Variants in FBXO4 observed in about 807,000 individuals in gnomAD.
FBXO4 encodes the protein F-box only protein 4.
In FBXO4, 36 loss-of-function variants were observed where a neutral mutation model predicts 43.7. The observed-to-expected ratio is 0.82, with a 90% CI of 0.63 to 1.09. FBXO4 has a LOEUF of 1.09. FBXO4 is among the 50% of genes least tolerant of loss of function. The probability of loss-of-function intolerance (pLI) is 0.00; values close to 1 mark genes in which losing one functional copy is unlikely to be tolerated. For missense variants in FBXO4, 435 were observed against 474.1 expected, an observed-to-expected ratio of 0.92 and a Z score of 0.77; for synonymous variants, 180 against 165.6, an observed-to-expected ratio of 1.09 and a Z score of -0.67.
At chr5:42,002,347 G>A in the FBXO4 span, among the ~76,000 whole-genome samples, 1 of 152,130 alleles carries the variant, frequency 6.6e-6, no homozygotes, top group Non-Finnish European at 1.5e-5. Context: ...ATTAAAGAGT[G>A]GCTCTCACTA....
At chr5:41,986,771 A>C in the FBXO4 span, among the ~76,000 whole-genome samples, 2 of 152,154 alleles carry the variant, frequency 1.3e-5, no homozygotes, top group African/African-American at 4.8e-5. Context: ...ACATGTTCTA[A>C]ATAGAAGGAG....
At chr5:41,970,179 G>T in the FBXO4 span, among the ~76,000 whole-genome samples, 2 of 151,996 alleles carry the variant, frequency 1.3e-5, no homozygotes, top group Admixed American at 6.6e-5. Flanking sequence ...AGCACTTATA[G>T]ATGCCTAATT....
At chr5:41,975,372 G>A in the FBXO4 span, among the ~76,000 whole-genome samples, 2 of 152,232 alleles carry the variant, frequency 1.3e-5, no homozygotes, top group African/African-American at 2.4e-5. Flanking sequence ...GTTAGAATGA[G>A]ATCTCTCTAA....
chr5:41,953,873 G>A, the FBXO4 span, among the ~76,000 whole-genome samples: 3 of 152,098 alleles, frequency 2.0e-5, no homozygotes, highest in Non-Finnish European at 4.4e-5. Flanking sequence ...ATTTGTTGGA[G>A]TTCATTGTAG....
Position 41,938,014 on chromosome 5 carries a change from C to T in FBXO4, c.899-1427C>T, listed in dbSNP as rs182493190. Among the ~76,000 whole-genome samples the T allele has an allele frequency of 2.5e-4, 38 of 152,232 alleles. No individual in the cohort carries two copies. The South Asian group carries it at 3.7e-3, about 15-fold the overall frequency. ...AGAAAATTGATTGTTAACAGATCTT[C>T]ACTATAAGAAATCTTAAAGGAAGCT... On this transcript the variant is annotated intron_variant, in intron 5 of 6. Coordinates refer to ENST00000281623, the MANE Select transcript of FBXO4 (RefSeq NM_012176.3).
the FBXO4 span, among the ~76,000 whole-genome samples, chr5:41,982,450 A>G: frequency 6.6e-6 from 1 of 151,940 alleles, no homozygotes; most frequent in Non-Finnish European, 1.5e-5. Flanking sequence ...TTCTAATTTC[A>G]TTGCTGTTTT....
At chr5:42,038,899 G>A in the FBXO4 span, among the ~76,000 whole-genome samples, 1 of 151,944 alleles carries the variant, frequency 6.6e-6, no homozygotes, top group South Asian at 2.1e-4. Flanking sequence ...TTCACTTAAC[G>A]TGATGTCTTC....
the FBXO4 span, among the ~76,000 whole-genome samples, chr5:41,977,975 C>T: frequency 6.6e-6 from 1 of 152,168 alleles, no homozygotes. Flanking sequence ...GGAATAGTTA[C>T]AACTGGGTCA....
the FBXO4 span, among the ~76,000 whole-genome samples, chr5:42,031,223 A>ATG: frequency 6.6e-6 from 1 of 151,766 alleles, no homozygotes; most frequent in African/African-American, 2.4e-5. Flanking sequence ...TTCCAACAAC[A>ATG]ATAGACTGGA....
chr5:41,965,218 G>T, the FBXO4 span, among the ~76,000 whole-genome samples: 1 of 152,072 alleles, frequency 6.6e-6, no homozygotes, highest in African/African-American at 2.4e-5. Context: ...ATTTCTGAGG[G>T]CTCTGTTCTG....
At chr5:41,968,511 G>T in the FBXO4 span, 1 of 152,242 alleles carries the variant, frequency 6.6e-6, no homozygotes, top group African/African-American at 2.4e-5. Flanking sequence ...AATGGGATTA[G>T]CTGTGACACA....
At chr5:41,935,044 T>G (rs1751813804) in intron 5 of FBXO4, 2 of 984,946 alleles carry the variant, frequency 2.0e-6, no homozygotes, top group Non-Finnish European at 2.4e-6. Context: ...TTACTTTCTG[T>G]TATTACAGGG....
At chr5:42,008,802 CTG>C in the FBXO4 span, among the ~76,000 whole-genome samples, 1 of 152,022 alleles carries the variant, frequency 6.6e-6, no homozygotes, top group Non-Finnish European at 1.5e-5. Context: ...GTTTTATTGA[CTG>C]TAAAAGTAAG....
chr5:41,973,288 C>T, the FBXO4 span, among the ~76,000 whole-genome samples: 1 of 152,134 alleles, frequency 6.6e-6, no homozygotes, highest in Non-Finnish European at 1.5e-5. Flanking sequence ...CAAAAGACAA[C>T]ATACAAGCAC....
At chr5:42,030,822 G>C in the FBXO4 span, among the ~76,000 whole-genome samples, 15 of 152,266 alleles carry the variant, frequency 9.9e-5, no homozygotes, top group Admixed American at 4.6e-4. Context: ...CTTCTCAAAA[G>C]AAGACATTTA....
chr5:41,969,270 G>A, the FBXO4 span, among the ~76,000 whole-genome samples: 5 of 152,122 alleles, frequency 3.3e-5, no homozygotes, highest in African/African-American at 1.2e-4. Flanking sequence ...AAGAGTTCAT[G>A]AAAATATATT....
chr5:41,948,146 T>TG, the FBXO4 span, among the ~76,000 whole-genome samples: 1 of 151,542 alleles, frequency 6.6e-6, no homozygotes, highest in African/African-American at 2.4e-5. Context: ...TCTTTTTTTT[T>TG]TTTTTTTTGA....
chr5:42,009,730 T>C, the FBXO4 span, among the ~76,000 whole-genome samples: 1 of 152,198 alleles, frequency 6.6e-6, no homozygotes, highest in African/African-American at 2.4e-5. Context: ...CTTTCTCCCA[T>C]AGAAGACTAA....
chr5:41,964,378 C>CT, the FBXO4 span, among the ~76,000 whole-genome samples: 2 of 151,780 alleles, frequency 1.3e-5, no homozygotes, highest in African/African-American at 4.8e-5. Context: ...AGTGATTTCT[C>CT]TTTTTTTCAT....
Sources: gnomAD v4.1 joint callset for allele counts (sites outside exome capture counted in the v4.1 genomes callset) on GRCh38, gnomAD v4.1.1 for gene constraint, MANE v1.5 for transcripts, NCBI Gene and HGNC (gene_info 2026-07-23, HGNC 2026-07-21) for gene names.